HABP4: variants seen among roughly 807,000 people sequenced by gnomAD.
The protein encoded by HABP4 is intracellular hyaluronan-binding protein 4.
Under a neutral mutation model 44.1 loss-of-function variants are expected in HABP4, and 32 were observed. That is an observed-to-expected ratio of 0.73 (90% CI 0.55 to 0.97). The LOEUF (loss-of-function observed/expected upper bound fraction) is 0.97. Among genes scored for constraint, HABP4 ranks in the 50% least tolerant of loss-of-function variants. HABP4 has a pLI of 0.00. For missense variants in HABP4, 503 were observed against 561.9 expected (o/e 0.90, Z 1.06); for synonymous variants, 216 against 218.0 (o/e 0.99, Z 0.08).
intron 1 of HABP4, among the ~76,000 whole-genome samples, chr9:96,457,552 T>C (rs1228947790): frequency 6.6e-6 from 1 of 152,158 alleles, no homozygotes; most frequent in African/African-American, 2.4e-5. Flanking sequence ...AAAGTAAAAA[T>C]ATAAGCACTA....
Position 96,450,201 on chromosome 9 carries a change from G to T in HABP4, c.-79G>T, listed in dbSNP as rs1832240785. ...GGAGGGCGGTGGCGGCGGAGCGGGC[G>T]GCATGGGTCCTGGCCGCCGGCTTCG... On this transcript the variant is annotated 5_prime_UTR_variant, in exon 1 of 8. Coordinates refer to ENST00000375249, the MANE Select transcript of HABP4 (RefSeq NM_014282.4). This position sits in a 1 kb window ranked among gnomAD's most constrained non-coding sequence, Gnocchi z 4.8. 11 of 1,217,806 alleles carry T rather than the reference G, an allele frequency of 9.0e-6. No homozygotes were observed. The highest frequency in any genetic ancestry group is 1.1e-5 in the Non-Finnish European group (11 of 973,930). The allele number at this position is 1,217,806 out of a possible 1,614,324, so 75.4% of individuals were successfully genotyped here. A position where few individuals can be genotyped will look rare whatever the true frequency, so the allele number is the denominator to read the frequency against.
At position 96,450,682 on chromosome 9, in the gene HABP4, G is replaced by C; in HGVS notation, c.349+54G>C. The C allele has an allele frequency of 8.2e-7, 1 of 1,214,892 alleles. No homozygotes were observed. The highest frequency in any genetic ancestry group is 1.0e-6 in the Non-Finnish European group (1 of 972,870). 75.3% of individuals were successfully genotyped at this position (1,214,892 alleles called of 1,614,324 possible). ...CACGGCTCGGCCCGCTGTGAGACTG[G>C]GGTCCCGGGGGCCGGTTTCAGGAGG... is the stretch of plus-strand genomic sequence containing the variant. On this transcript the variant is annotated intron_variant, in intron 1 of 7. Transcript: ENST00000375249. This position sits in a 1 kb window ranked among gnomAD's most constrained non-coding sequence, Gnocchi z 4.8.
intron 4 of HABP4, among the ~76,000 whole-genome samples, chr9:96,467,506 TTTTC>T (rs895741598): frequency 3.3e-4 from 50 of 151,174 alleles, no homozygotes; most frequent in Middle Eastern, 3.4e-3. Context: ...CTCTTTTTCT[TTTTC>T]TTTCTTTCTT....
chr9:96,477,247 T>C (rs1031651473), intron 5 of HABP4, among the ~76,000 whole-genome samples: 10 of 152,238 alleles, frequency 6.6e-5, no homozygotes, highest in African/African-American at 2.4e-4. Context: ...CTGTTGATTT[T>C]TAAAATTCTG....
At chr9:96,470,951 A>G in intron 4 of HABP4, 60 bp from the exon 5 acceptor site, 3 of 974,348 alleles carry the variant, frequency 3.1e-6, no homozygotes, top group South Asian at 1.4e-5. Context: ...CTTCTTAAAC[A>G]TACAAAGGCA....
rs949132196 is a variant in HABP4, at chr9:96,450,324, G to A, written c.45G>A (p.Ala15=). 15 of 1,436,620 alleles carry A rather than the reference G, an allele frequency of 1.0e-5. No homozygotes were observed. In the Admixed American group the frequency reaches 3.4e-4, roughly 32 times the overall value. The allele number at this position is 1,436,620 out of a possible 1,614,324, so 89.0% of individuals were successfully genotyped here. The change falls in exon 1 of 8, where the codon GCG becomes GCA. Residue 15 remains alanine, a synonymous_variant. Coordinates refer to ENST00000375249, the MANE Select transcript of HABP4 (RefSeq NM_014282.4). This position sits in a 1 kb window ranked among gnomAD's most constrained non-coding sequence, Gnocchi z 4.8. ...GTCCCGTGGCTGCCGCTGGCGCCGCGATGCAGGAGAGTTTCGGCTGCGTGG... is the reference window on the plus strand; with the variant it reads ...GTCCCGTGGCTGCCGCTGGCGCCGCAATGCAGGAGAGTTTCGGCTGCGTGG... ...LGSPVAAAGA[A]MQESFGCVVA... is the part of the protein sequence containing the mutation.
chr9:96,480,502 CA>C (rs1676398319), intron 5 of HABP4, among the ~76,000 whole-genome samples: 1 of 152,078 alleles, frequency 6.6e-6, no homozygotes, highest in Non-Finnish European at 1.5e-5. Flanking sequence ...GTGAAAATTT[CA>C]AAACACAGCA....
At chr9:96,460,053 A>G (rs566713400) in intron 2 of HABP4, among the ~76,000 whole-genome samples, 1 of 152,308 alleles carries the variant, frequency 6.6e-6, no homozygotes, top group South Asian at 2.1e-4. Context: ...TTCTGTGGAA[A>G]TGAGGAAATT....
chr9:96,455,434 TGGGTGAC>T (rs1371140410), intron 1 of HABP4, among the ~76,000 whole-genome samples: 5 of 121,374 alleles, frequency 4.1e-5, no homozygotes, highest in African/African-American at 1.6e-4. Context: ...CCTGGCAGTC[TGGGTGAC>T]GGAGTGAGAC....
At chr9:96,453,453 C>T (rs1334994870) in intron 1 of HABP4, among the ~76,000 whole-genome samples, 7 of 151,560 alleles carry the variant, frequency 4.6e-5, no homozygotes, top group Admixed American at 6.6e-5. Context: ...TCAGGTGATC[C>T]GCCCGCCTCA....
At chr9:96,456,350 C>A (rs773781723) in intron 1 of HABP4, among the ~76,000 whole-genome samples, 2 of 151,996 alleles carry the variant, frequency 1.3e-5, no homozygotes, top group Non-Finnish European at 2.9e-5. Context: ...TTTACCTGTA[C>A]CCAGATGATA....
intron 1 of HABP4, among the ~76,000 whole-genome samples, chr9:96,457,082 G>A (rs1253933050): frequency 1.3e-5 from 2 of 151,818 alleles, no homozygotes; most frequent in Non-Finnish European, 2.9e-5. Context: ...AGTAAAGCAA[G>A]GTGACAGGAC....
chr9:96,466,159 C>T (rs755639961), intron 4 of HABP4, among the ~76,000 whole-genome samples: 2 of 152,078 alleles, frequency 1.3e-5, no homozygotes, highest in Non-Finnish European at 2.9e-5. Context: ...CACTTGAGGT[C>T]GGGAGTTTGA....
chr9:96,482,330 C>T (rs1832894524), intron 5 of HABP4, among the ~76,000 whole-genome samples: 1 of 152,118 alleles, frequency 6.6e-6, no homozygotes. Flanking sequence ...CTATTTTACT[C>T]GTGTTTATGA....
At chr9:96,474,949 A>G (rs886542496) in intron 5 of HABP4, among the ~76,000 whole-genome samples, 3 of 152,170 alleles carry the variant, frequency 2.0e-5, no homozygotes, top group Non-Finnish European at 4.4e-5. Context: ...TATTTTACTG[A>G]TAATTATATG....
In HABP4 at chr9:96,487,350, G is replaced by T. The variant is rs149509746; in HGVS notation, c.1000-739G>T. On this transcript the variant is annotated intron_variant, in intron 6 of 7. Coordinates refer to ENST00000375249, the MANE Select transcript of HABP4 (RefSeq NM_014282.4). ...GTGTGTGTGTGATACCCATTATTAT[G>T]AGTTGAAGCCAAATCAAATTTGGAT... Among the ~76,000 whole-genome samples, 61 of 152,188 alleles carry T rather than the reference G, an allele frequency of 4.0e-4. No homozygotes were observed. In the East Asian group the frequency reaches 0.01, roughly 26 times the overall value.
At chr9:96,470,359 G>A (rs1463458660) in intron 4 of HABP4, among the ~76,000 whole-genome samples, 1 of 151,932 alleles carries the variant, frequency 6.6e-6, no homozygotes, top group Non-Finnish European at 1.5e-5. Flanking sequence ...TCAAACTCCT[G>A]GCCTCAAGTG....
intron 1 of HABP4, among the ~76,000 whole-genome samples, chr9:96,453,958 A>G (rs774657372): frequency 1.3e-5 from 2 of 152,192 alleles, no homozygotes; most frequent in African/African-American, 2.4e-5. Flanking sequence ...AAAACTGATC[A>G]TTATTCTAAT....
At chr9:96,461,099 A>G (rs1218918433) in intron 2 of HABP4, among the ~76,000 whole-genome samples, 1 of 152,208 alleles carries the variant, frequency 6.6e-6, no homozygotes, top group Non-Finnish European at 1.5e-5. Context: ...CCTGAAGCCC[A>G]TGAAAGTATG....
Sources: gnomAD v4.1 joint callset for allele counts (sites outside exome capture counted in the v4.1 genomes callset) on GRCh38, gnomAD v4.1.1 for gene constraint, Gnocchi (gnomAD v3.1) non-coding constraint, MANE v1.5 for transcripts, NCBI Gene and HGNC (gene_info 2026-07-23, HGNC 2026-07-21) for gene names.